GLG1: variants seen among roughly 807,000 people sequenced by gnomAD.
The protein encoded by GLG1 is Golgi apparatus protein 1.
Under a neutral mutation model 160.5 loss-of-function variants are expected in GLG1, and 38 were observed. That is an observed-to-expected ratio of 0.24 (90% confidence interval 0.18 to 0.31). The LOEUF (loss-of-function observed/expected upper bound fraction) is 0.31, where lower values mean the gene tolerates loss of function less well. GLG1 is among the 10% of genes least tolerant of loss of function. The pLI is 1.00. For missense variants in GLG1, 1,373 were observed against 1,505.2 expected (o/e 0.91, Z 1.45); for synonymous variants, 644 against 543.4 (o/e 1.19, Z -2.57).
intron 2 of GLG1, among the ~76,000 whole-genome samples, chr16:74,517,374 G>A (rs1357716060): frequency 1.3e-5 from 2 of 152,170 alleles, no homozygotes; most frequent in African/African-American, 4.8e-5. Flanking sequence ...CTTCATCCCT[G>A]GGATGCAAGG....
At chr16:74,548,702 A>C (rs1345033429) in intron 1 of GLG1, among the ~76,000 whole-genome samples, 1 of 152,140 alleles carries the variant, frequency 6.6e-6, no homozygotes, top group Non-Finnish European at 1.5e-5. Context: ...TCTTAGACAT[A>C]ATACCAAACA....
In GLG1 at chr16:74,452,850, A is replaced by T; in HGVS notation, c.*317T>A. On this transcript the variant is annotated 3_prime_UTR_variant, in exon 26 of 26. Transcript: ENST00000422840. The stretch of plus-strand genomic sequence containing the variant: ...TTTCTTAAAAAAGCCTTTGAGTTGC[A>T]GGTCAGGTGAGTTGGTTCTGGAAGT... The T allele has an allele frequency of 1.9e-6, 2 of 1,064,854 alleles. No individual in the cohort carries two copies. The highest frequency in any genetic ancestry group is 1.1e-6 in the Non-Finnish European group (1 of 882,122). The allele number at this position is 1,064,854 out of a possible 1,614,324, so 66.0% of individuals were successfully genotyped here.
intron 2 of GLG1, among the ~76,000 whole-genome samples, chr16:74,517,802 C>G (rs374064977): frequency 6.6e-6 from 1 of 152,230 alleles, no homozygotes; most frequent in South Asian, 2.1e-4. Context: ...TAGAAAAGCC[C>G]GTCATCTCAG....
At chr16:74,459,296 G>C (rs963975771) in intron 23 of GLG1, among the ~76,000 whole-genome samples, 1 of 152,156 alleles carries the variant, frequency 6.6e-6, no homozygotes, top group African/African-American at 2.4e-5. Context: ...GGCTAACACA[G>C]TGAACCCCCG....
chr16:74,470,314 CTCCT>C (rs1008653409), intron 15 of GLG1, among the ~76,000 whole-genome samples: 18 of 144,138 alleles, frequency 1.2e-4, no homozygotes, highest in Admixed American at 4.9e-4. Context: ...CCCTCCCTCC[CTCCT>C]TCCTTCCTTT....
intron 1 of GLG1, among the ~76,000 whole-genome samples, chr16:74,576,530 A>T (rs534261661): frequency 6.6e-6 from 1 of 152,336 alleles, no homozygotes; most frequent in South Asian, 2.1e-4. Context: ...TCTCTATGGC[A>T]TCCCCTTAAT....
chr16:74,515,528 A>T lies in GLG1; in HGVS notation c.472-6603T>A, dbSNP rs189940393. On this transcript the variant is annotated intron_variant, in intron 2 of 25. Transcript: ENST00000422840. ...CGCACAACTACATGGAAACTGAACA[A>T]CCTGCTCCTGAATGACTACTGGGTA... Among the ~76,000 whole-genome samples, 389 of 152,202 alleles carry T rather than the reference A, an allele frequency of 2.6e-3. 4 individuals carry two copies. Among genetic ancestry groups the T allele is most frequent in the African/African-American group, 9.0e-3 (372 of 41,492 alleles).
rs71848568 is a variant in GLG1 at position 74,512,160 on chromosome 16, C to CTTTTT, written c.472-3240_472-3236dup. Among the ~76,000 whole-genome samples the CTTTTT allele has an allele frequency of 1.7e-3, 229 of 135,870 alleles. 9 individuals are homozygous for CTTTTT. The highest frequency in any genetic ancestry group is 4.3e-3 in the African/African-American group (160 of 37,526). 89.1% of individuals were successfully genotyped at this position (135,870 alleles called of 152,430 possible). On this transcript the variant is annotated intron_variant, in intron 2 of 25. Transcript: ENST00000422840. Reference sequence around the variant, plus strand: ...TAATCTACTTTCTGGTCTTTTATTTCTTTTTTTTTTTTTTCTCAGACGGAG... The same window carrying CTTTTT: ...TAATCTACTTTCTGGTCTTTTATTTCTTTTTTTTTTTTTTTTTTTCTCAGACGGAG...
At chr16:74,575,992 G>C (rs2018991595) in intron 1 of GLG1, among the ~76,000 whole-genome samples, 1 of 152,230 alleles carries the variant, frequency 6.6e-6, no homozygotes, top group African/African-American at 2.4e-5. Context: ...CTGAGGTCAA[G>C]AGTTTGACAC....
intron 4 of GLG1, among the ~76,000 whole-genome samples, chr16:74,497,570 T>G (rs905454927): frequency 6.6e-6 from 1 of 151,398 alleles, no homozygotes; most frequent in African/African-American, 2.4e-5. Context: ...CCTGAGTAGC[T>G]GGGACCACAG....
intron 1 of GLG1, among the ~76,000 whole-genome samples, chr16:74,535,648 C>T (rs1567509289): frequency 6.6e-6 from 1 of 152,188 alleles, no homozygotes; most frequent in Non-Finnish European, 1.5e-5. Context: ...GTTGCCTAGG[C>T]TGATCTCAAC....
At chr16:74,512,128 C>A (rs563037252) in intron 2 of GLG1, among the ~76,000 whole-genome samples, 2 of 151,704 alleles carry the variant, frequency 1.3e-5, no homozygotes, top group South Asian at 2.1e-4. Flanking sequence ...CATCTTCTGG[C>A]AACCATTAAT....
At chr16:74,466,390 T>C (rs1292243926) in intron 18 of GLG1, among the ~76,000 whole-genome samples, 1 of 152,196 alleles carries the variant, frequency 6.6e-6, no homozygotes, top group African/African-American at 2.4e-5. Context: ...GAATTAAGTA[T>C]ATCCTGAAAT....
At chr16:74,557,430 G>C (rs1202813512) in intron 1 of GLG1, among the ~76,000 whole-genome samples, 2 of 152,146 alleles carry the variant, frequency 1.3e-5, no homozygotes, top group Admixed American at 6.5e-5. Context: ...CTTTAGGTCT[G>C]GGGAGGGGCC....
intron 19 of GLG1, among the ~76,000 whole-genome samples, chr16:74,465,125 C>T (rs2014952845): frequency 6.6e-6 from 1 of 152,220 alleles, no homozygotes; most frequent in Non-Finnish European, 1.5e-5. Context: ...AGGCGTGAGC[C>T]ACCGTGCCCT....
intron 22 of GLG1, chr16:74,461,384 G>C (rs1246990463): frequency 6.7e-6 from 1 of 149,764 alleles, no homozygotes; most frequent in Admixed American, 6.7e-5. Context: ...AGCCAGGATG[G>C]TCTCAATCTC....
intron 2 of GLG1, among the ~76,000 whole-genome samples, chr16:74,529,809 G>GTTT (rs201693911): frequency 0.038 from 3,966 of 103,680 alleles, 291 homozygotes; most frequent in African/African-American, 0.046. Context: ...CTCTTTGAGA[G>GTTT]TTCTTTTTTT....
intron 24 of GLG1, 51 bp from the exon 25 acceptor site, chr16:74,456,806 G>C (rs763043863): frequency 2.7e-6 from 3 of 1,118,716 alleles, no homozygotes; most frequent in Non-Finnish European, 2.7e-6. Flanking sequence ...ACAGAATAGA[G>C]AAATTTCTGT....
intron 1 of GLG1, chr16:74,552,579 G>C (rs2018232468): frequency 8.4e-6 from 2 of 237,100 alleles, no homozygotes; most frequent in Admixed American, 4.7e-5. Flanking sequence ...TAAAGGTCTG[G>C]AGGGTGAGCA....
Sources: gnomAD v4.1 joint callset for allele counts (sites outside exome capture counted in the v4.1 genomes callset) on GRCh38, gnomAD v4.1.1 for gene constraint, MANE v1.5 for transcripts, NCBI Gene and HGNC (gene_info 2026-07-23, HGNC 2026-07-21) for gene names.